Variants in OCLN observed in about 807,000 individuals in gnomAD.
OCLN encodes phosphatase 1, regulatory subunit 115.
In OCLN, 21 loss-of-function variants were observed where a neutral mutation model predicts 47.9. The ratio of observed to expected loss-of-function variants is 0.44; its 90% CI spans 0.31 to 0.63. The LOEUF (loss-of-function observed/expected upper bound fraction) is 0.63, where lower values mean the gene tolerates loss of function less well. OCLN is among the 30% of genes least tolerant of loss of function. OCLN has a pLI of 0.08. For synonymous variants in OCLN, 117 were observed against 198.4 expected (o/e 0.59, Z 3.45); for missense variants, 360 against 571.0 (o/e 0.63, Z 3.77).
At chr5:69,523,504 T>TGCCAG (rs1769197031) in intron 4 of OCLN, among the ~76,000 whole-genome samples, 3 of 152,050 alleles carry the variant, frequency 2.0e-5, no homozygotes, top group Non-Finnish European at 4.4e-5. Context: ...CAGTAGATTC[T>TGCCAG]TAGGAAAAAC....
At chr5:69,533,338 G>A (rs1326991740) in intron 4 of OCLN, among the ~76,000 whole-genome samples, 2 of 152,036 alleles carry the variant, frequency 1.3e-5, no homozygotes, top group South Asian at 4.1e-4. Context: ...TGGGGAGTGC[G>A]CCATGCAACC....
At chr5:69,503,978 T>C (rs1441437735) in intron 1 of OCLN, among the ~76,000 whole-genome samples, 199 bp from the exon 2 acceptor site, 1 of 152,096 alleles carries the variant, frequency 6.6e-6, no homozygotes, top group Non-Finnish European at 1.5e-5. Context: ...TGCAGGTCTG[T>C]AGTCCTAGCT....
intron 1 of OCLN, 50 bp from the exon 2 acceptor site, chr5:69,504,127 A>G: frequency 2.6e-6 from 2 of 768,762 alleles, no homozygotes; most frequent in South Asian, 1.4e-5. Flanking sequence ...AAGAAAAGAA[A>G]GAAACTGTGA....
intron 1 of OCLN, among the ~76,000 whole-genome samples, chr5:69,499,986 A>C (rs1768410792): frequency 6.6e-6 from 1 of 152,194 alleles, no homozygotes; most frequent in African/African-American, 2.4e-5. Flanking sequence ...CGAGCCAGTA[A>C]ATGGGGGCTG....
At chr5:69,502,495 T>C (rs1051163796) in intron 1 of OCLN, 6 of 152,200 alleles carry the variant, frequency 3.9e-5, no homozygotes, top group Admixed American at 6.5e-5. Context: ...TATCTGGACG[T>C]CTACTATGTG....
chr5:69,519,613 T>C (rs1282254694), intron 4 of OCLN, among the ~76,000 whole-genome samples: 1 of 152,242 alleles, frequency 6.6e-6, no homozygotes, highest in East Asian at 1.9e-4. Flanking sequence ...AATTAAACTT[T>C]GCAGGTCTTT....
chr5:69,502,217 C>G (rs1234017495), intron 1 of OCLN, among the ~76,000 whole-genome samples: 1 of 150,596 alleles, frequency 6.6e-6, no homozygotes, highest in Non-Finnish European at 1.5e-5. Flanking sequence ...AAAAGAGTTG[C>G]CATTAATTTA....
At chr5:69,494,860 G>A (rs1768248509) in intron 1 of OCLN, among the ~76,000 whole-genome samples, 1 of 152,190 alleles carries the variant, frequency 6.6e-6, no homozygotes, top group Non-Finnish European at 1.5e-5. Context: ...AGGTGGGCTT[G>A]CTTGCAAACT....
rs764804781 is a variant in OCLN, at chr5:69,527,276, C to CAA, written c.892-7405_892-7404dup. Among the ~76,000 whole-genome samples the CAA allele has an allele frequency of 4.0e-4, 50 of 125,592 alleles. 1 individual carries two copies. The South Asian group carries it at 0.011, about 27-fold the overall frequency. 82.4% of individuals were successfully genotyped at this position (125,592 alleles called of 152,430 possible). On this transcript the variant is annotated intron_variant, in intron 4 of 8. Coordinates refer to ENST00000396442, the MANE Select transcript of OCLN (RefSeq NM_001205254.2). ...TGGGTAACAGAGTGAGACTTCGTCT[C>CAA]AAAAAAAAAAAAAAGGTGAAGCAGG...
rs1394890749 is a variant in OCLN, at chr5:69,548,586, C to T, written c.1425+485C>T. 4.0e-5 allele frequency among the ~76,000 whole-genome samples: 6 copies of T among 148,996 alleles called. No individual in the cohort carries two copies. In the East Asian group the frequency reaches 8.2e-4, roughly 20 times the overall value. ...CTGCCCGTCTTAGCCTCCCAAAGTG[C>T]TGGGATTACAGGCGTGAGCCACCGC... On this transcript the variant is annotated intron_variant, in intron 7 of 8. Transcript: ENST00000396442.
chr5:69,523,855 A>G (rs1196919005), intron 4 of OCLN, among the ~76,000 whole-genome samples: 1 of 152,006 alleles, frequency 6.6e-6, no homozygotes, highest in Non-Finnish European at 1.5e-5. Context: ...CTTTTTAAAA[A>G]CTGGACTTTA....
At chr5:69,530,471 A>T (rs957674799) in intron 4 of OCLN, 4 of 152,196 alleles carry the variant, frequency 2.6e-5, no homozygotes, top group African/African-American at 9.7e-5. Context: ...AGTGGGTTAG[A>T]GGAAAAAATA....
chr5:69,517,466 A>ATGCC (rs1358279674), intron 4 of OCLN, among the ~76,000 whole-genome samples: 28 of 151,942 alleles, frequency 1.8e-4, no homozygotes, highest in African/African-American at 6.8e-4. Flanking sequence ...GCATACCACC[A>ATGCC]TGCCTGACTA....
chr5:69,506,516 A>G (rs1427127210), intron 2 of OCLN, among the ~76,000 whole-genome samples: 1 of 152,164 alleles, frequency 6.6e-6, no homozygotes, highest in Admixed American at 6.5e-5. Context: ...ATTGGTGAGC[A>G]GTTTAAGCTT....
intron 4 of OCLN, among the ~76,000 whole-genome samples, chr5:69,522,568 T>C (rs1769167953): frequency 6.6e-6 from 1 of 152,160 alleles, no homozygotes; most frequent in African/African-American, 2.4e-5. Flanking sequence ...AGTTTTTGTG[T>C]TTTTGTTTTT....
intron 1 of OCLN, among the ~76,000 whole-genome samples, chr5:69,495,520 T>G (rs1359847507): frequency 2.6e-5 from 4 of 152,124 alleles, no homozygotes; most frequent in African/African-American, 9.7e-5. Flanking sequence ...GTTTATTGAG[T>G]GTTGTGTGAA....
At position 69,514,091 on chromosome 5, in the gene OCLN, C is replaced by T. The variant is rs763245222; in HGVS notation, c.873C>T (p.Pro291=). 1.2e-6 allele frequency: 2 copies of T among 1,614,046 alleles called. No individual in the cohort carries two copies. Among genetic ancestry groups the T allele is most frequent in the Admixed American group, 1.7e-5 (1 of 60,012 alleles). ...AGGAACACATTTATGATGAGCAGCC[C>T]CCCAATGTCGAGGAGTGGGTAAGTG... ...WDKEHIYDEQ[P]PNVEEWVKNV... Residue 291 remains proline, a synonymous_variant, in exon 4 of 9, where the codon CCC becomes CCT. Coordinates refer to ENST00000396442, the MANE Select transcript of OCLN (RefSeq NM_001205254.2).
intron 1 of OCLN, among the ~76,000 whole-genome samples, chr5:69,496,654 C>T (rs1286236927): frequency 2.0e-5 from 3 of 149,764 alleles, no homozygotes; most frequent in African/African-American, 7.5e-5. Context: ...AATCCCTCTG[C>T]CTTGGCTTCC....
intron 4 of OCLN, among the ~76,000 whole-genome samples, chr5:69,519,292 C>A (rs953780293): frequency 6.6e-6 from 1 of 152,286 alleles, no homozygotes; most frequent in South Asian, 2.1e-4. Context: ...GATTATAACA[C>A]GCCTCCTGCC....
Sources: allele counts gnomAD v4.1 joint callset (sites outside exome capture counted in the v4.1 genomes callset), GRCh38; gene constraint gnomAD v4.1.1; transcripts MANE v1.5; gene names NCBI Gene and HGNC (gene_info 2026-07-23, HGNC 2026-07-21).